Variants in PSMG2 observed in about 807,000 individuals in gnomAD.
The protein encoded by PSMG2 is proteasome assembly chaperone 2.
Under a neutral mutation model 31.5 loss-of-function variants are expected in PSMG2, and 21 were observed. That is an observed-to-expected ratio of 0.67 (90% CI 0.47 to 0.96). The LOEUF is 0.96. Among genes scored for constraint, PSMG2 ranks in the 40% least tolerant of loss-of-function variants. The pLI is 0.00. For missense variants in PSMG2, 318 were observed against 321.2 expected (o/e 0.99, Z 0.08); for synonymous variants, 120 against 110.4 (o/e 1.09, Z -0.54).
At chr18:12,690,362 C>T (rs2039707156) in intron 1 of PSMG2, among the ~76,000 whole-genome samples, 1 of 152,138 alleles carries the variant, frequency 6.6e-6, no homozygotes. Flanking sequence ...CTACACTATA[C>T]TTATATGAAA....
At chr18:12,702,690 A>T, upstream of PSMG2, 1 of 917,488 alleles carries the variant, frequency 1.1e-6, no homozygotes, top group Non-Finnish European at 1.6e-6. Context: ...CGGGGGACGC[A>T]ACGCCGCGTC....
At chr18:12,713,557 T>C (rs910805895) in intron 3 of PSMG2, among the ~76,000 whole-genome samples, 2 of 152,154 alleles carry the variant, frequency 1.3e-5, no homozygotes, top group Non-Finnish European at 2.9e-5. Context: ...TGCTAACTCA[T>C]AGGGCTCATG....
At chr18:12,677,035 C>G (rs1217931072) in intron 1 of PSMG2, among the ~76,000 whole-genome samples, 2 of 152,212 alleles carry the variant, frequency 1.3e-5, no homozygotes, top group Non-Finnish European at 2.9e-5. Context: ...CAGCTTCAAT[C>G]TCTTAATGTC....
intron 1 of PSMG2, chr18:12,674,706 T>C: frequency 6.2e-7 from 1 of 1,614,028 alleles, no homozygotes; most frequent in Non-Finnish European, 8.5e-7. Context: ...AAGCTGGTGA[T>C]AAAAGGTAGG....
chr18:12,703,637 C>T (rs1193151004), intron 1 of PSMG2, among the ~76,000 whole-genome samples: 1 of 152,002 alleles, frequency 6.6e-6, no homozygotes, highest in African/African-American at 2.4e-5. Flanking sequence ...CTGTTATGTG[C>T]GAGTATTAGA....
intron 1 of PSMG2, among the ~76,000 whole-genome samples, chr18:12,696,095 G>C (rs1183794955): frequency 2.0e-5 from 3 of 152,034 alleles, no homozygotes; most frequent in South Asian, 2.1e-4. Context: ...TATCATGTTA[G>C]GCCTATTTTT....
Position 12,703,122 on chromosome 18 carries a change from CG to C in PSMG2, c.19del (p.Glu7SerfsTer12). On this transcript the variant is annotated frameshift_variant, in exon 1 of 7. Coordinates refer to ENST00000317615, the MANE Select transcript of PSMG2 (RefSeq NM_020232.5). LOFTEE classifies it high-confidence loss of function. MFVPC[G>X]ESAPDLAGFT... ...CCACTGCGACCATGTTCGTTCCCTG[CG>C]GGGAGTCGGCCCCCGACCTTGCCGG... 1 of 1,612,486 alleles carries C rather than the reference CG, an allele frequency of 6.2e-7. No homozygotes were observed. Among genetic ancestry groups the C allele is most frequent in the Non-Finnish European group, 8.5e-7 (1 of 1,179,594 alleles).
intron 1 of PSMG2, chr18:12,678,950 A>G (rs7244345): frequency 0.14 from 21,260 of 152,080 alleles, 1,726 homozygotes; most frequent in African/African-American, 0.2. Flanking sequence ...CAAGAAAAAA[A>G]AATAAAAATA....
At chr18:12,664,847 C>G (rs925533124) in intron 1 of PSMG2, among the ~76,000 whole-genome samples, 1 of 151,672 alleles carries the variant, frequency 6.6e-6, no homozygotes. Context: ...TACAGGCGCC[C>G]GTCACCATGC....
chr18:12,692,315 CAA>C (rs773752553), intron 1 of PSMG2: 8 of 125,154 alleles, frequency 6.4e-5, no homozygotes, highest in Non-Finnish European at 6.9e-5. Flanking sequence ...GACTCTATCT[CAA>C]AAAAAAAAAA....
chr18:12,700,176 C>T, upstream of PSMG2: 1 of 236,626 alleles, frequency 4.2e-6, no homozygotes, highest in Non-Finnish European at 8.1e-6. Context: ...ATCCTTAATA[C>T]CTTCAACAAG....
chr18:12,660,006 A>T (rs2038662740), intron 1 of PSMG2, among the ~76,000 whole-genome samples: 1 of 152,234 alleles, frequency 6.6e-6, no homozygotes, highest in Non-Finnish European at 1.5e-5. Flanking sequence ...CCAGGAAAAA[A>T]AATGAAGGTC....
intron 3 of PSMG2, 142 bp downstream of exon 3, chr18:12,712,902 A>G (rs2040344895): frequency 1.8e-6 from 1 of 552,530 alleles, no homozygotes; most frequent in Non-Finnish European, 3.1e-6. Context: ...TAATCTTACA[A>G]TATTTCAGAT....
chr18:12,664,885 G>C (rs2038773364), intron 1 of PSMG2, among the ~76,000 whole-genome samples: 1 of 146,828 alleles, frequency 6.8e-6, no homozygotes. Flanking sequence ...TTTTAGTAGA[G>C]ACAGGGTTTC....
chr18:12,673,557 C>A, intron 1 of PSMG2: 1 of 1,378,226 alleles, frequency 7.3e-7, no homozygotes, highest in Non-Finnish European at 9.9e-7. Flanking sequence ...CACTTTAATT[C>A]CTTATTTGCA....
chr18:12,659,700 A>G (rs1483967543), intron 1 of PSMG2, among the ~76,000 whole-genome samples: 2 of 152,104 alleles, frequency 1.3e-5, no homozygotes, highest in Non-Finnish European at 2.9e-5. Context: ...GAAAGAGGAG[A>G]AGAAAGCTCC....
At position 12,712,736 on chromosome 18, in the gene PSMG2, A is replaced by G; in HGVS notation, c.264A>G (p.Leu88=). ...YSLPSRKLVA[L]QLRSIFIKYK... is the part of the protein sequence containing the mutation. ...TGCCTTCAAGAAAGCTGGTGGCTCT[A>G]CAGTTAAGATCCATTTTTATTAAGG... Residue 88 remains leucine, a synonymous_variant, in exon 3 of 7, where the codon CTA becomes CTG. Transcript: ENST00000317615. The G allele has an allele frequency of 6.2e-7, 1 of 1,607,818 alleles. No individual in the cohort carries two copies. The highest frequency in any genetic ancestry group is 2.2e-5 in the East Asian group (1 of 44,652).
intron 5 of PSMG2, among the ~76,000 whole-genome samples, chr18:12,722,140 T>G (rs2040436883): frequency 6.6e-6 from 1 of 152,176 alleles, no homozygotes; most frequent in Non-Finnish European, 1.5e-5. Context: ...TGCACTTACT[T>G]TACCAATCAA....
At chr18:12,680,697 C>T in intron 1 of PSMG2, 1 of 1,613,172 alleles carries the variant, frequency 6.2e-7, no homozygotes, top group Non-Finnish European at 8.5e-7. Flanking sequence ...AAGTGATGGC[C>T]CCATCAGTTC....
Sources: gnomAD v4.1 joint callset for allele counts (sites outside exome capture counted in the v4.1 genomes callset) on GRCh38, gnomAD v4.1.1 for gene constraint, MANE v1.5 for transcripts, NCBI Gene and HGNC (gene_info 2026-07-23, HGNC 2026-07-21) for gene names.